The following TRIM2 variants were observed in gnomAD, a reference collection of about 807,000 sequenced individuals.
The protein encoded by TRIM2 is tripartite motif containing 2, also known as tripartite motif-containing protein 2.
A neutral mutation model predicts 75.2 loss-of-function variants in TRIM2; 20 were observed. The ratio of observed to expected loss-of-function variants is 0.27; its 90% CI spans 0.19 to 0.39. The LOEUF (loss-of-function observed/expected upper bound fraction) is 0.39, where lower values mean the gene tolerates loss of function less well. Ranked by LOEUF, TRIM2 falls within the 10% of genes least tolerant of loss-of-function variation. The pLI is 1.00. For missense variants in TRIM2, 660 were observed against 990.8 expected (o/e 0.67, Z 4.48); for synonymous variants, 373 against 388.3 (o/e 0.96, Z 0.46).
At chr4:153,168,233 G>A (rs1730505752) in intron 1 of TRIM2, among the ~76,000 whole-genome samples, 1 of 152,046 alleles carries the variant, frequency 6.6e-6, no homozygotes, top group Admixed American at 6.6e-5. Flanking sequence ...ACACACAAAT[G>A]AGCATATAGA....
At chr4:153,182,402 C>T (rs1391177925) in intron 1 of TRIM2, among the ~76,000 whole-genome samples, 1 of 152,174 alleles carries the variant, frequency 6.6e-6, no homozygotes, top group African/African-American at 2.4e-5. Flanking sequence ...CTGAACACCA[C>T]CGTAGAGTCC....
intron 3 of TRIM2, among the ~76,000 whole-genome samples, chr4:153,283,473 G>C (rs371093343): frequency 6.5e-4 from 99 of 152,064 alleles, no homozygotes; most frequent in African/African-American, 2.2e-3. Flanking sequence ...CATTTGAGTT[G>C]TTTCCACTTT....
chr4:153,176,389 G>A (rs1030364014), intron 1 of TRIM2, among the ~76,000 whole-genome samples: 9 of 151,936 alleles, frequency 5.9e-5, no homozygotes, highest in African/African-American at 2.2e-4. Flanking sequence ...AAATGTTGAG[G>A]CTGCAGTGAG....
At chr4:153,299,855 C>T (rs1763499125) in intron 6 of TRIM2, among the ~76,000 whole-genome samples, 1 of 152,162 alleles carries the variant, frequency 6.6e-6, no homozygotes, top group Non-Finnish European at 1.5e-5. Flanking sequence ...TTAAAATAGC[C>T]AGTCGGAATT....
chr4:153,317,082 G>T (rs1007866570), intron 8 of TRIM2, among the ~76,000 whole-genome samples: 3 of 150,524 alleles, frequency 2.0e-5, no homozygotes, highest in Non-Finnish European at 3.0e-5. Flanking sequence ...GGGTTTCACC[G>T]TGTTAGCTAG....
intron 1 of TRIM2, among the ~76,000 whole-genome samples, chr4:153,261,749 G>T (rs926956410): frequency 1.3e-5 from 2 of 152,170 alleles, no homozygotes; most frequent in Non-Finnish European, 2.9e-5. Flanking sequence ...TCACTGTGGT[G>T]TCAGCAATAA....
At chr4:153,230,006 G>T (rs1743188546) in intron 1 of TRIM2, among the ~76,000 whole-genome samples, 1 of 152,130 alleles carries the variant, frequency 6.6e-6, no homozygotes, top group Non-Finnish European at 1.5e-5. Flanking sequence ...ATTGATGGGG[G>T]CCGAGGGGGA....
At chr4:153,322,416 T>A (rs949118116) in intron 8 of TRIM2, among the ~76,000 whole-genome samples, 23 of 151,710 alleles carry the variant, frequency 1.5e-4, no homozygotes, top group African/African-American at 5.1e-4. Flanking sequence ...GTCTCAAAAA[T>A]AAATAAATAA....
chr4:153,192,151 C>G (rs1047909612), intron 1 of TRIM2, among the ~76,000 whole-genome samples: 1 of 152,196 alleles, frequency 6.6e-6, no homozygotes, highest in Non-Finnish European at 1.5e-5. Context: ...CCAGGCATCC[C>G]GCACCACAGT....
At chr4:153,207,795 C>T (rs1158931915) in intron 1 of TRIM2, among the ~76,000 whole-genome samples, 1 of 152,168 alleles carries the variant, frequency 6.6e-6, no homozygotes, top group Non-Finnish European at 1.5e-5. Flanking sequence ...CTCAGGGTCA[C>T]GGTTTTCTAT....
upstream of TRIM2, among the ~76,000 whole-genome samples, chr4:153,199,520 C>G (rs1734105153): frequency 6.6e-6 from 1 of 152,156 alleles, no homozygotes; most frequent in Non-Finnish European, 1.5e-5. Flanking sequence ...TGCTGCCAGC[C>G]TGTGCCTATT....
intron 11 of TRIM2, among the ~76,000 whole-genome samples, 194 bp from the exon 12 acceptor site, chr4:153,334,620 C>T (rs558225474): frequency 1.3e-5 from 2 of 152,166 alleles, no homozygotes; most frequent in South Asian, 2.1e-4. Context: ...TCAGGAGAAT[C>T]GCTTGAGCCT....
At chr4:153,171,839 G>T (rs1284291812) in intron 1 of TRIM2, among the ~76,000 whole-genome samples, 3 of 78,612 alleles carry the variant, frequency 3.8e-5, no homozygotes, top group East Asian at 4.0e-4. Context: ...TCGTTTTGGG[G>T]CTTTTTTTTT....
chr4:153,229,268 G>A (rs951452116), intron 1 of TRIM2, among the ~76,000 whole-genome samples: 1 of 152,014 alleles, frequency 6.6e-6, no homozygotes, highest in Non-Finnish European at 1.5e-5. Flanking sequence ...GTTTTGACTT[G>A]TTTTGTTTTG....
intron 1 of TRIM2, among the ~76,000 whole-genome samples, chr4:153,259,808 A>G (rs1189778871): frequency 1.3e-5 from 2 of 152,340 alleles, no homozygotes; most frequent in African/African-American, 4.8e-5. Context: ...AGATTTCCTC[A>G]TAGAAATTGG....
upstream of TRIM2, among the ~76,000 whole-genome samples, chr4:153,200,638 T>G (rs1456106715): frequency 6.6e-6 from 1 of 151,656 alleles, no homozygotes; most frequent in Non-Finnish European, 1.5e-5. Context: ...CTGAACCATT[T>G]TACATTCCAC....
rs1380951266 is a variant in TRIM2 at position 153,195,244 on chromosome 4, C to A, written c.-49+41974C>A. Among the ~76,000 whole-genome samples, 3 of 152,078 alleles carry A rather than the reference C, an allele frequency of 2.0e-5. No individual in the cohort carries two copies. In the East Asian group the frequency reaches 5.8e-4, roughly 30 times the overall value. On this transcript the variant is annotated intron_variant, in intron 1 of 11. Coordinates refer to the TRIM2 transcript ENST00000437508. ...ACACTAAGAATTGCTGGCAGCTAGG[C>A]ACGGTGGCTGAGGCCTGTAATCCCA...
intron 1 of TRIM2, chr4:153,257,304 C>A: frequency 1.5e-6 from 1 of 662,514 alleles, no homozygotes; most frequent in Non-Finnish European, 2.0e-6. Flanking sequence ...AGAGGGAAAG[C>A]AAGCCACCCA....
At chr4:153,308,174 A>G (rs1336972662) in intron 6 of TRIM2, 4 of 1,360,506 alleles carry the variant, frequency 2.9e-6, no homozygotes, top group Non-Finnish European at 2.1e-6. Flanking sequence ...CGTCATAGAG[A>G]TCCCGGGCAT....
Sources: allele counts gnomAD v4.1 joint callset (sites outside exome capture counted in the v4.1 genomes callset), GRCh38; gene constraint gnomAD v4.1.1; transcripts MANE v1.5; gene names NCBI Gene and HGNC (gene_info 2026-07-23, HGNC 2026-07-21).